The following ZBTB37 variants were observed in gnomAD, a reference collection of about 807,000 sequenced individuals.
The protein encoded by ZBTB37 is zinc finger and BTB domain containing 37.
In ZBTB37, 15 loss-of-function variants were observed where a neutral mutation model predicts 37.7. That is an observed-to-expected ratio of 0.40 (90% CI 0.27 to 0.61). The LOEUF is 0.61. ZBTB37 is among the 20% of genes least tolerant of loss of function. The pLI, the probability that ZBTB37 is intolerant of heterozygous loss-of-function variation, is 0.44. For synonymous variants in ZBTB37, 231 were observed against 220.6 expected, an observed-to-expected ratio of 1.05 and a Z score of -0.42; for missense variants, 514 against 641.9, an observed-to-expected ratio of 0.80 and a Z score of 2.15.
exon 4 of ZBTB37, chr1:173,899,198 T>C (rs1374025058): frequency 2.0e-5 from 3 of 152,172 alleles, no homozygotes; most frequent in Non-Finnish European, 4.4e-5. Context: ...CACGACTATT[T>C]TTTTTTTTCT....
chr1:173,901,082 CTG>C (rs1440781075), exon 4 of ZBTB37: 1 of 152,234 alleles, frequency 6.6e-6, no homozygotes, highest in Non-Finnish European at 1.5e-5. Flanking sequence ...CCTGTCAGCA[CTG>C]TGAAGTTTGG....
chr1:173,885,917 CAA>C lies in ZBTB37; in HGVS notation c.1308_1309del (p.Ser437PhefsTer30). ...AGCCCTTTCACTGTCATGTCTGTGG[CAA>C]AAGTTTCCCCTTCCAGGCCATCTTG... On this transcript the variant is annotated frameshift_variant, in exon 5 of 5. Transcript: ENST00000427304. LOFTEE classifies it high-confidence loss of function. The C allele has an allele frequency of 6.4e-7, 1 of 1,551,828 alleles. No individual in the cohort carries two copies. Among genetic ancestry groups the C allele is most frequent in the Non-Finnish European group, 8.7e-7 (1 of 1,147,022 alleles).
downstream of ZBTB37, chr1:173,890,645 G>T (rs1027799612): frequency 2.3e-4 from 35 of 152,196 alleles, no homozygotes; most frequent in African/African-American, 8.2e-4. Context: ...GGTTTGAGAA[G>T]ATGTCCTCAG....
chr1:173,875,332 T>TATATATA (rs199857517), intron 4 of ZBTB37, among the ~76,000 whole-genome samples: 8 of 81,840 alleles, frequency 9.8e-5, no homozygotes, highest in African/African-American at 4.1e-4. Flanking sequence ...ATATATATAT[T>TATATATA]TTTTTTTTTT....
chr1:173,893,356 G>C (rs1440413039), exon 4 of ZBTB37: 2 of 152,236 alleles, frequency 1.3e-5, no homozygotes, highest in Non-Finnish European at 2.9e-5. Flanking sequence ...CCTGTCTGCA[G>C]TGATAGGTAA....
chr1:173,870,076 A>C, intron 2 of ZBTB37, 124 bp from the exon 3 acceptor site: 1 of 645,924 alleles, frequency 1.5e-6, no homozygotes, highest in Non-Finnish European at 2.5e-6. Flanking sequence ...TAAGGAAGGT[A>C]TTTCTTTTAT....
exon 4 of ZBTB37, chr1:173,894,468 G>A (rs1428645362): frequency 6.6e-6 from 1 of 152,162 alleles, no homozygotes; most frequent in East Asian, 1.9e-4. Flanking sequence ...AGACTAGAAG[G>A]ATGGACTCAG....
chr1:173,873,069 T>C (rs1014370590), intron 3 of ZBTB37, among the ~76,000 whole-genome samples: 27 of 151,848 alleles, frequency 1.8e-4, no homozygotes, highest in Non-Finnish European at 2.9e-4. Flanking sequence ...ATGATCTATA[T>C]CAATAGTCTA....
intron 4 of ZBTB37, among the ~76,000 whole-genome samples, chr1:173,884,865 C>G (rs1173676269): frequency 2.0e-5 from 3 of 152,144 alleles, no homozygotes; most frequent in African/African-American, 7.2e-5. Context: ...GTTGTATTAG[C>G]CATATTACAA....
chr1:173,872,776 G>A (rs1454332545), intron 3 of ZBTB37, among the ~76,000 whole-genome samples: 1 of 152,144 alleles, frequency 6.6e-6, no homozygotes, highest in Non-Finnish European at 1.5e-5. Flanking sequence ...GGGAGGCTGA[G>A]GCAGGTGGAT....
At chr1:173,883,276 C>G (rs528435251) in intron 4 of ZBTB37, among the ~76,000 whole-genome samples, 1 of 152,086 alleles carries the variant, frequency 6.6e-6, no homozygotes, top group African/African-American at 2.4e-5. Flanking sequence ...GTCGGGAGTT[C>G]GAGATCAGCC....
Position 173,874,141 on chromosome 1 carries a change from A to G in ZBTB37, c.1023+575A>G, listed in dbSNP as rs138403145. On this transcript the variant is annotated intron_variant, in intron 4 of 4. Transcript: ENST00000427304. Reference sequence around the variant, plus strand: ...ATGGTGGCACGTGCCCGTGATCCCAACTACTCCAGAGGCTGAGGCAGGACA... The same window carrying G: ...ATGGTGGCACGTGCCCGTGATCCCAGCTACTCCAGAGGCTGAGGCAGGACA... Among the ~76,000 whole-genome samples, 1,304 of 151,442 alleles carry G rather than the reference A, an allele frequency of 8.6e-3. 21 individuals are homozygous for G. Among genetic ancestry groups the G allele is most frequent in the African/African-American group, 0.03 (1,256 of 41,330 alleles).
chr1:173,877,991 TAC>T (rs1338178181), intron 4 of ZBTB37, among the ~76,000 whole-genome samples: 2 of 152,224 alleles, frequency 1.3e-5, no homozygotes, highest in Non-Finnish European at 2.9e-5. Context: ...TCAAGTGATT[TAC>T]AGTCTTTTTA....
At chr1:173,873,719 T>C (rs1308903301) in intron 4 of ZBTB37, 153 bp downstream of exon 4, 1 of 1,301,018 alleles carries the variant, frequency 7.7e-7, no homozygotes, top group Non-Finnish European at 1.0e-6. Context: ...TAGCAGAAGT[T>C]TAATATTAAA....
downstream of ZBTB37, chr1:173,887,397 C>T (rs990592366): frequency 1.3e-4 from 20 of 152,172 alleles, no homozygotes; most frequent in Non-Finnish European, 2.8e-4. Context: ...CTACAGGGCA[C>T]TTATCAGAAA....
chr1:173,884,893 G>C (rs905706363), intron 4 of ZBTB37, among the ~76,000 whole-genome samples: 2 of 152,138 alleles, frequency 1.3e-5, no homozygotes, highest in Non-Finnish European at 2.9e-5. Flanking sequence ...ATAGCAACAG[G>C]TGGCTAGTGG....
At chr1:173,873,991 C>T (rs1486613015) in intron 4 of ZBTB37, among the ~76,000 whole-genome samples, 3 of 152,068 alleles carry the variant, frequency 2.0e-5, no homozygotes, top group Non-Finnish European at 2.9e-5. Flanking sequence ...CGCAGTGGCT[C>T]GCGCCTGTAA....
exon 3 of ZBTB37, chr1:173,870,941 T>C (rs766511796): frequency 1.2e-6 from 2 of 1,613,798 alleles, no homozygotes; most frequent in Non-Finnish European, 1.7e-6. Flanking sequence ...GAAGTTAGAG[T>C]TCTTGGAGCA....
chr1:173,883,845 A>G (rs577449408), intron 4 of ZBTB37, among the ~76,000 whole-genome samples: 1 of 151,640 alleles, frequency 6.6e-6, no homozygotes, highest in African/African-American at 2.4e-5. Context: ...CATTTTTAGA[A>G]ATTAAAAGGG....
Sources: allele counts gnomAD v4.1 joint callset (sites outside exome capture counted in the v4.1 genomes callset), GRCh38; gene constraint gnomAD v4.1.1; transcripts MANE v1.5; gene names NCBI Gene and HGNC (gene_info 2026-07-23, HGNC 2026-07-21).